The following RBFOX1 variants were observed in gnomAD, a reference collection of about 807,000 sequenced individuals.
RBFOX1 encodes RNA binding fox-1 homolog 1.
Under a neutral mutation model 57.7 loss-of-function variants are expected in RBFOX1, and 8 were observed. The ratio of observed to expected loss-of-function variants is 0.14; its 90% confidence interval spans 0.08 to 0.25. The LOEUF (loss-of-function observed/expected upper bound fraction) is 0.25, where lower values mean the gene tolerates loss of function less well. Among genes scored for constraint, RBFOX1 ranks in the 10% least tolerant of loss-of-function variants. The probability of loss-of-function intolerance (pLI) is 1.00; values close to 1 mark genes in which losing one functional copy is unlikely to be tolerated. For missense variants in RBFOX1, 611 were observed against 548.5 expected (o/e 1.11, Z -1.14); for synonymous variants, 326 against 222.4 (o/e 1.47, Z -4.15).
chr16:7,381,146 C>G (rs972162763), intron 4 of RBFOX1, among the ~76,000 whole-genome samples: 2 of 152,196 alleles, frequency 1.3e-5, no homozygotes, highest in Non-Finnish European at 2.9e-5. Context: ...ACAGATAGTT[C>G]TAGATGCTTG....
intron 1 of RBFOX1, among the ~76,000 whole-genome samples, chr16:5,413,472 C>G (rs2067079704): frequency 6.6e-6 from 1 of 152,198 alleles, no homozygotes; most frequent in African/African-American, 2.4e-5. Context: ...AATTCAGCTT[C>G]TCAGTTACAG....
intron 3 of RBFOX1, among the ~76,000 whole-genome samples, chr16:6,969,940 A>G (rs553694486): frequency 4.0e-4 from 61 of 152,166 alleles, no homozygotes; most frequent in African/African-American, 1.4e-3. Context: ...CACATACAGA[A>G]ATGTCACACA....
rs114219699 is a variant in RBFOX1 at position 6,948,040 on chromosome 16, A to C, written c.-15-104017A>C. On this transcript the variant is annotated intron_variant, in intron 3 of 15. Transcript: ENST00000550418. ...GCAGTCCAGCTGCCTTCACCTCCCA[A>C]AATGTTGGGATTACAAGCATCAGCC... Among the ~76,000 whole-genome samples the C allele has an allele frequency of 3.3e-3, 504 of 152,206 alleles. 3 individuals carry two copies. Among genetic ancestry groups the C allele is most frequent in the African/African-American group, 0.012 (481 of 41,524 alleles).
intron 13 of RBFOX1, among the ~76,000 whole-genome samples, chr16:7,676,277 G>A (rs1433479492): frequency 1.3e-5 from 2 of 152,074 alleles, no homozygotes; most frequent in African/African-American, 2.4e-5. Flanking sequence ...AACCAGATAG[G>A]TAAGAGATTA....
At chr16:6,727,558 T>A (rs1051131089) in intron 3 of RBFOX1, among the ~76,000 whole-genome samples, 3 of 152,108 alleles carry the variant, frequency 2.0e-5, no homozygotes, top group African/African-American at 7.2e-5. Context: ...GAGGGAACCG[T>A]ACAAACAGCT....
At chr16:7,099,351 C>A (rs11077135) in intron 4 of RBFOX1, among the ~76,000 whole-genome samples, 2 of 151,948 alleles carry the variant, frequency 1.3e-5, no homozygotes, top group Non-Finnish European at 2.9e-5. Context: ...AGCTTCTCCT[C>A]GTAGGATCTT....
chr16:5,365,853 G>A (rs2065698759), intron 1 of RBFOX1: 3 of 514,306 alleles, frequency 5.8e-6, no homozygotes, highest in Admixed American at 2.0e-5. Flanking sequence ...CTGTCTTTTC[G>A]GGTGTGAACT....
chr16:6,483,684 A>T (rs1220292323), intron 2 of RBFOX1: 2 of 568,906 alleles, frequency 3.5e-6, no homozygotes, highest in Non-Finnish European at 4.0e-6. Context: ...GGGGTTGCAG[A>T]GGGACGGGGG....
At chr16:7,323,348 C>T (rs546890234) in intron 4 of RBFOX1, among the ~76,000 whole-genome samples, 1 of 152,258 alleles carries the variant, frequency 6.6e-6, no homozygotes, top group South Asian at 2.1e-4. Flanking sequence ...TGTTTGAGCC[C>T]AGGAGTCGGA....
intron 3 of RBFOX1, among the ~76,000 whole-genome samples, chr16:6,859,111 G>A (rs1295745225): frequency 3.1e-4 from 20 of 65,124 alleles, no homozygotes; most frequent in African/African-American, 1.1e-3. Context: ...TAAAAAAAGT[G>A]TATATATATA....
intron 1 of RBFOX1, among the ~76,000 whole-genome samples, chr16:6,170,126 G>A (rs537202266): frequency 4.2e-4 from 64 of 152,216 alleles, no homozygotes; most frequent in Non-Finnish European, 7.8e-4. Flanking sequence ...TCCTTCTCAG[G>A]CCACATTTAG....
At chr16:5,899,901 C>G (rs1412888129) in intron 4 of RBFOX1, among the ~76,000 whole-genome samples, 2 of 152,136 alleles carry the variant, frequency 1.3e-5, no homozygotes, top group East Asian at 1.9e-4. Context: ...TGGTGCAACC[C>G]TGTCTCTACA....
At chr16:6,002,023 G>A (rs770968388) in intron 4 of RBFOX1, among the ~76,000 whole-genome samples, 1 of 114,962 alleles carries the variant, frequency 8.7e-6, no homozygotes, top group Non-Finnish European at 1.8e-5. Flanking sequence ...CTGGAGTGCC[G>A]TGGCATGATT....
At position 7,383,208 on chromosome 16, in the gene RBFOX1, G is replaced by T. The variant is rs1047399995; in HGVS notation, c.28-134939G>T. ...TGTGCTTATTTCTCATGGCATGCCT[G>T]TATCAAAACATCTCATGTATCCCAT... On this transcript the variant is annotated intron_variant, in intron 4 of 15. Coordinates refer to ENST00000550418, the MANE Select transcript of RBFOX1 (RefSeq NM_018723.4). Among the ~76,000 whole-genome samples the T allele has an allele frequency of 4.0e-5, 6 of 151,048 alleles. No homozygotes were observed. In the South Asian group the frequency reaches 6.3e-4, roughly 16 times the overall value.
chr16:5,747,730 A>T (rs1486350180), intron 3 of RBFOX1, among the ~76,000 whole-genome samples: 1 of 152,058 alleles, frequency 6.6e-6, no homozygotes. Context: ...TATCCGCTTT[A>T]TCATTATTTA....
rs376033789 is a variant in RBFOX1 at position 6,863,926 on chromosome 16, T to G, written c.-15-188131T>G. Among the ~76,000 whole-genome samples, 11 of 151,756 alleles carry G rather than the reference T, an allele frequency of 7.2e-5. 1 individual carries two copies. The highest frequency in any genetic ancestry group is 1.9e-4 in the East Asian group (1 of 5,160). ...CCATTGCCATTTGTTTCCTTCACACTTTGTGCTCCCTCCTTCTTCCTTCTC... is the reference window on the plus strand; with the variant it reads ...CCATTGCCATTTGTTTCCTTCACACGTTGTGCTCCCTCCTTCTTCCTTCTC... On this transcript the variant is annotated intron_variant, in intron 3 of 15. Transcript: ENST00000550418.
chr16:6,137,779 TA>T (rs1322345647), intron 1 of RBFOX1, among the ~76,000 whole-genome samples: 8 of 151,970 alleles, frequency 5.3e-5, no homozygotes, highest in Non-Finnish European at 1.2e-4. Flanking sequence ...GGCTAATTTT[TA>T]AAATTTTTTG....
chr16:5,796,449 G>T (rs1346458165), intron 3 of RBFOX1, among the ~76,000 whole-genome samples: 2 of 152,140 alleles, frequency 1.3e-5, no homozygotes, highest in Non-Finnish European at 2.9e-5. Context: ...GCATCACATG[G>T]GGTCAGAGAG....
chr16:5,589,432 G>A (rs1288271807), intron 2 of RBFOX1, among the ~76,000 whole-genome samples: 1 of 152,150 alleles, frequency 6.6e-6, no homozygotes, highest in Non-Finnish European at 1.5e-5. Context: ...GAGGATGAGC[G>A]TTCTCTTTCT....
Sources: gnomAD v4.1 joint callset for allele counts (sites outside exome capture counted in the v4.1 genomes callset) on GRCh38, gnomAD v4.1.1 for gene constraint, MANE v1.5 for transcripts, NCBI Gene and HGNC (gene_info 2026-07-23, HGNC 2026-07-21) for gene names.